The following RBFOX1 variants were observed in gnomAD, a reference collection of about 807,000 sequenced individuals.
The protein encoded by RBFOX1 is RNA binding fox-1 homolog 1.
In RBFOX1, 8 loss-of-function variants were observed where a neutral mutation model predicts 57.7. That is an observed-to-expected ratio of 0.14 (90% CI 0.08 to 0.25). RBFOX1 has a LOEUF of 0.25. RBFOX1 is among the 10% of genes least tolerant of loss of function. RBFOX1 has a pLI of 1.00. For missense variants in RBFOX1, 611 were observed against 548.5 expected, an observed-to-expected ratio of 1.11 and a Z score of -1.14; for synonymous variants, 326 against 222.4, an observed-to-expected ratio of 1.47 and a Z score of -4.15.
chr16:6,928,731 A>G (rs1050175825), intron 3 of RBFOX1, among the ~76,000 whole-genome samples: 8 of 152,192 alleles, frequency 5.3e-5, no homozygotes, highest in African/African-American at 1.2e-4. Flanking sequence ...CTGCCAATCA[A>G]TCACGGTTGC....
chr16:5,664,425 G>T (rs1324495820), intron 3 of RBFOX1, among the ~76,000 whole-genome samples: 1 of 152,112 alleles, frequency 6.6e-6, no homozygotes, highest in Non-Finnish European at 1.5e-5. Flanking sequence ...GTGTGTGCCT[G>T]TAGAGCCAGC....
At chr16:6,251,382 C>T (rs984535748) in intron 1 of RBFOX1, among the ~76,000 whole-genome samples, 2 of 152,112 alleles carry the variant, frequency 1.3e-5, no homozygotes, top group Non-Finnish European at 2.9e-5. Context: ...GGTTAAGTCA[C>T]CTGCCCAAAG....
intron 3 of RBFOX1, among the ~76,000 whole-genome samples, chr16:6,908,988 T>G (rs1459849686): frequency 3.3e-5 from 5 of 152,192 alleles, no homozygotes; most frequent in African/African-American, 1.2e-4. Flanking sequence ...GTTCTTCTGC[T>G]TCTGAACATG....
intron 2 of RBFOX1, among the ~76,000 whole-genome samples, chr16:6,607,051 A>G (rs903437847): frequency 6.6e-6 from 1 of 152,132 alleles, no homozygotes; most frequent in Non-Finnish European, 1.5e-5. Flanking sequence ...ATCGCCAAAA[A>G]TGGCTATACA....
At chr16:5,349,884 A>C (rs961808030) in intron 1 of RBFOX1, among the ~76,000 whole-genome samples, 1 of 152,146 alleles carries the variant, frequency 6.6e-6, no homozygotes, top group Non-Finnish European at 1.5e-5. Context: ...CCTGGCCAGG[A>C]AACACATGTG....
At chr16:7,313,105 A>C (rs922454265) in intron 4 of RBFOX1, among the ~76,000 whole-genome samples, 1 of 152,088 alleles carries the variant, frequency 6.6e-6, no homozygotes, top group Non-Finnish European at 1.5e-5. Context: ...CTTCCACATC[A>C]CTCTTCATCC....
intron 1 of RBFOX1, among the ~76,000 whole-genome samples, chr16:6,155,967 T>G (rs748825066): frequency 2.6e-5 from 4 of 152,150 alleles, no homozygotes. Context: ...AGGGTATCAT[T>G]TAATCCTCCC....
At chr16:7,199,078 C>A (rs952089157) in intron 4 of RBFOX1, among the ~76,000 whole-genome samples, 2 of 152,148 alleles carry the variant, frequency 1.3e-5, no homozygotes, top group African/African-American at 4.8e-5. Flanking sequence ...ACCACAGGTC[C>A]GTCCTCCTCC....
At chr16:7,396,680 C>A (rs553619278) in intron 4 of RBFOX1, among the ~76,000 whole-genome samples, 2 of 152,346 alleles carry the variant, frequency 1.3e-5, no homozygotes, top group South Asian at 4.1e-4. Flanking sequence ...TGACTTACAC[C>A]TGTAATCCCA....
intron 4 of RBFOX1, among the ~76,000 whole-genome samples, chr16:7,103,038 T>A (rs2062961158): frequency 6.6e-6 from 1 of 150,942 alleles, no homozygotes; most frequent in Admixed American, 6.6e-5. Context: ...TCTATCTATT[T>A]CCACATTTAA....
intron 3 of RBFOX1, among the ~76,000 whole-genome samples, chr16:6,810,888 CAAG>C (rs1342235573): frequency 1.3e-5 from 2 of 152,136 alleles, no homozygotes; most frequent in African/African-American, 4.8e-5. Context: ...GATTACGGTT[CAAG>C]AGCTGATTTG....
At chr16:6,046,407 C>T (rs767444104) in intron 1 of RBFOX1, among the ~76,000 whole-genome samples, 7 of 152,148 alleles carry the variant, frequency 4.6e-5, no homozygotes, top group Non-Finnish European at 8.8e-5. Context: ...TTTGACAAGA[C>T]CCCAGGGCTC....
chr16:6,565,571 G>A (rs1287396363), intron 2 of RBFOX1, among the ~76,000 whole-genome samples: 3 of 143,720 alleles, frequency 2.1e-5, no homozygotes, highest in East Asian at 2.1e-4. Flanking sequence ...GATTCAAGCC[G>A]ATTCTCCTGC....
chr16:5,685,284 A>C (rs948550771), intron 3 of RBFOX1, among the ~76,000 whole-genome samples: 2 of 152,202 alleles, frequency 1.3e-5, no homozygotes, highest in African/African-American at 4.8e-5. Flanking sequence ...TTATGTTTTC[A>C]AACTTAATTA....
intron 5 of RBFOX1, among the ~76,000 whole-genome samples, chr16:7,531,739 C>A (rs146719304): frequency 2.6e-5 from 4 of 152,266 alleles, no homozygotes; most frequent in East Asian, 3.9e-4. Flanking sequence ...TGTGTGATTA[C>A]CCCGTTAGTA....
At chr16:5,429,683 G>A (rs551425) in intron 1 of RBFOX1, among the ~76,000 whole-genome samples, 1 of 151,972 alleles carries the variant, frequency 6.6e-6, no homozygotes, top group African/African-American at 2.4e-5. Context: ...CTACCTCTGA[G>A]GGGCCATTAT....
At chr16:6,783,803 C>T (rs2081443930) in intron 3 of RBFOX1, among the ~76,000 whole-genome samples, 1 of 152,114 alleles carries the variant, frequency 6.6e-6, no homozygotes, top group African/African-American at 2.4e-5. Context: ...GAAGAACTCC[C>T]TTCAGCATTC....
chr16:5,652,625 A>G (rs2049277917), intron 3 of RBFOX1, among the ~76,000 whole-genome samples: 1 of 151,868 alleles, frequency 6.6e-6, no homozygotes, highest in African/African-American at 2.4e-5. Context: ...CCACCCACTC[A>G]CCCACCCGGC....
At chr16:7,078,285 G>C (rs945324018) in intron 4 of RBFOX1, among the ~76,000 whole-genome samples, 4 of 152,158 alleles carry the variant, frequency 2.6e-5, no homozygotes, top group Non-Finnish European at 2.9e-5. Flanking sequence ...CTTAGGAAGT[G>C]ACCTAACCCA....
Sources: allele counts gnomAD v4.1 joint callset (sites outside exome capture counted in the v4.1 genomes callset), GRCh38; gene constraint gnomAD v4.1.1; transcripts MANE v1.5; gene names NCBI Gene and HGNC (gene_info 2026-07-23, HGNC 2026-07-21).